The following FUT8 variants were observed in gnomAD, a reference collection of about 807,000 sequenced individuals.
FUT8 encodes the protein alpha-(1,6)-fucosyltransferase.
In FUT8, 29 loss-of-function variants were observed where a neutral mutation model predicts 71.3. The observed-to-expected ratio is 0.41, with a 90% CI of 0.30 to 0.55. FUT8 has a LOEUF of 0.55. FUT8 is among the 20% of genes least tolerant of loss of function. FUT8 has a pLI of 0.34. For missense variants in FUT8, 544 were observed against 702.1 expected (o/e 0.77, Z 2.55); for synonymous variants, 254 against 239.3 (o/e 1.06, Z -0.57).
intron 7 of FUT8, among the ~76,000 whole-genome samples, chr14:65,699,362 A>G (rs1331332757): frequency 2.0e-5 from 3 of 152,106 alleles, no homozygotes; most frequent in African/African-American, 7.2e-5. Flanking sequence ...TGACTCCTTC[A>G]CTGGTCATCT....
At chr14:65,715,665 C>T (rs373537445) in intron 7 of FUT8, among the ~76,000 whole-genome samples, 5 of 152,176 alleles carry the variant, frequency 3.3e-5, no homozygotes, top group East Asian at 1.9e-4. Context: ...TTTCCATGAT[C>T]GTTTGTTTCA....
upstream of FUT8, among the ~76,000 whole-genome samples, chr14:65,408,316 CACAT>C (rs1195545862): frequency 1.3e-5 from 2 of 152,142 alleles, no homozygotes; most frequent in Non-Finnish European, 2.9e-5. Context: ...CTGGAATTGA[CACAT>C]ACCACTTCTG....
chr14:65,405,787 T>C (rs1375417849), upstream of FUT8, among the ~76,000 whole-genome samples: 3 of 152,262 alleles, frequency 2.0e-5, no homozygotes, highest in Non-Finnish European at 4.4e-5. Flanking sequence ...TAATGCAGAA[T>C]GAGTTTCTCC....
the FUT8 span, among the ~76,000 whole-genome samples, chr14:65,379,218 G>A: frequency 6.6e-5 from 10 of 152,004 alleles, no homozygotes; most frequent in Admixed American, 4.6e-4. Flanking sequence ...TATAAGCAAG[G>A]TTCAAACATT....
chr14:65,421,208 A>T (rs1430367658), intron 1 of FUT8, among the ~76,000 whole-genome samples: 2 of 151,892 alleles, frequency 1.3e-5, no homozygotes, highest in African/African-American at 4.8e-5. Flanking sequence ...AAAAAAAAAA[A>T]AAAAAAAATC....
At chr14:65,564,582 C>G (rs1886086743) in intron 3 of FUT8, among the ~76,000 whole-genome samples, 1 of 151,920 alleles carries the variant, frequency 6.6e-6, no homozygotes, top group African/African-American at 2.4e-5. Flanking sequence ...TCGTAGATGT[C>G]TGTGAGTTTT....
intron 7 of FUT8, among the ~76,000 whole-genome samples, chr14:65,684,981 T>A (rs889491010): frequency 1.3e-5 from 2 of 152,238 alleles, no homozygotes; most frequent in Non-Finnish European, 2.9e-5. Flanking sequence ...TAATTTAAAT[T>A]AATCAAATGC....
chr14:65,397,624 G>A, the FUT8 span, among the ~76,000 whole-genome samples: 44 of 152,328 alleles, frequency 2.9e-4, no homozygotes, highest in South Asian at 3.5e-3. The surrounding 1 kb of genome is among the most constrained non-coding windows in gnomAD (Gnocchi z 4.2). Flanking sequence ...GTGTGCACAC[G>A]TGCACGCCTG....
intron 7 of FUT8, among the ~76,000 whole-genome samples, chr14:65,706,502 TC>T (rs1227230167): frequency 6.6e-6 from 1 of 152,160 alleles, no homozygotes; most frequent in Non-Finnish European, 1.5e-5. Flanking sequence ...GGAGTGTCAG[TC>T]CGTTTGGGCT....
intron 1 of FUT8, among the ~76,000 whole-genome samples, chr14:65,435,746 T>C (rs932695915): frequency 6.6e-6 from 1 of 152,046 alleles, no homozygotes. Flanking sequence ...GAGTTCCAGT[T>C]GCTCTACATC....
upstream of FUT8, among the ~76,000 whole-genome samples, chr14:65,409,862 CT>C (rs2065104341): frequency 6.6e-6 from 1 of 152,148 alleles, no homozygotes; most frequent in Non-Finnish European, 1.5e-5. This position sits in a 1 kb window ranked among gnomAD's most constrained non-coding sequence, Gnocchi z 5.4. Flanking sequence ...CAGAACTTGT[CT>C]TTAACTTTTG....
intron 2 of FUT8, among the ~76,000 whole-genome samples, chr14:65,510,788 C>T (rs1882290153): frequency 6.6e-6 from 1 of 152,052 alleles, no homozygotes. Context: ...TTTGTTACCT[C>T]TGATTTATTT....
At chr14:65,454,282 GTA>G (rs1251706914) in intron 1 of FUT8, among the ~76,000 whole-genome samples, 1 of 152,132 alleles carries the variant, frequency 6.6e-6, no homozygotes, top group Non-Finnish European at 1.5e-5. Flanking sequence ...GGCTTTGGGA[GTA>G]GTTGACTATG....
chr14:65,737,903 C>T (rs1896303475), intron 10 of FUT8, among the ~76,000 whole-genome samples: 1 of 152,046 alleles, frequency 6.6e-6, no homozygotes, highest in East Asian at 1.9e-4. Context: ...TTTGGAAGCC[C>T]AGAGGGCAAA....
intron 3 of FUT8, among the ~76,000 whole-genome samples, chr14:65,606,337 G>A (rs747101212): frequency 5.3e-5 from 8 of 151,108 alleles, no homozygotes; most frequent in Non-Finnish European, 8.9e-5. Flanking sequence ...TCAGCCTCCC[G>A]AAGTGCTGGG....
chr14:65,373,503 G>A, the FUT8 span, among the ~76,000 whole-genome samples: 1 of 151,898 alleles, frequency 6.6e-6, no homozygotes, highest in Admixed American at 6.6e-5. Flanking sequence ...CCAGGGGAAC[G>A]GCAGGGCTAA....
intron 3 of FUT8, among the ~76,000 whole-genome samples, chr14:65,605,011 A>G (rs1034268287): frequency 6.6e-6 from 1 of 151,920 alleles, no homozygotes; most frequent in South Asian, 2.1e-4. Context: ...TTTTTCACTC[A>G]ACATTGTGAA....
At chr14:65,487,756 G>C (rs1298922176) in intron 2 of FUT8, among the ~76,000 whole-genome samples, 1 of 152,030 alleles carries the variant, frequency 6.6e-6, no homozygotes, top group Non-Finnish European at 1.5e-5. Flanking sequence ...AAATTTCAGA[G>C]ATCAAGGAGT....
At chr14:65,572,328 A>G (rs1886521724) in intron 3 of FUT8, among the ~76,000 whole-genome samples, 1 of 152,198 alleles carries the variant, frequency 6.6e-6, no homozygotes, top group Admixed American at 6.5e-5. Flanking sequence ...TCACATTCTA[A>G]GCTTTGTGTA....
Sources: allele counts gnomAD v4.1 joint callset (sites outside exome capture counted in the v4.1 genomes callset), GRCh38; gene constraint gnomAD v4.1.1; non-coding constraint Gnocchi (gnomAD v3.1); transcripts MANE v1.5; gene names NCBI Gene and HGNC (gene_info 2026-07-23, HGNC 2026-07-21).